SMIM35: variants seen among roughly 807,000 people sequenced by gnomAD.
SMIM35 encodes TMPRSS4 antisense RNA 1 (non-protein coding).
chr11:118,039,821 C>T (rs1397146999), intron 1 of SMIM35, among the ~76,000 whole-genome samples: 12 of 151,376 alleles, frequency 7.9e-5, no homozygotes, highest in African/African-American at 2.7e-4. Context: ...GAGGCCGAGG[C>T]GGGACTCGAG....
intron 1 of SMIM35, among the ~76,000 whole-genome samples, chr11:118,048,576 A>T (rs1317156337): frequency 6.9e-6 from 1 of 145,528 alleles, no homozygotes; most frequent in East Asian, 1.9e-4. Context: ...GAAGGAAGGA[A>T]GGAAGGAAGG....
chr11:118,076,771 C>G (rs1944703352), intron 1 of SMIM35, among the ~76,000 whole-genome samples: 1 of 152,176 alleles, frequency 6.6e-6, no homozygotes, highest in Non-Finnish European at 1.5e-5. Flanking sequence ...ACTCCAACTT[C>G]CCACAACCCC....
intron 1 of SMIM35, among the ~76,000 whole-genome samples, chr11:118,082,071 T>C (rs1031528388): frequency 1.3e-5 from 2 of 152,192 alleles, no homozygotes; most frequent in Non-Finnish European, 2.9e-5. Context: ...GCCAGGCTGC[T>C]GGGAGAACCT....
At chr11:118,050,095 G>A (rs986856133) in intron 1 of SMIM35, among the ~76,000 whole-genome samples, 12 of 152,182 alleles carry the variant, frequency 7.9e-5, no homozygotes, top group African/African-American at 2.7e-4. Context: ...GTGTGCTGGA[G>A]CCCCAGCCCT....
chr11:118,025,987 G>A, intron 1 of SMIM35: 1 of 303,918 alleles, frequency 3.3e-6, no homozygotes, highest in Non-Finnish European at 6.2e-6. Context: ...AAAGTTAGGG[G>A]TCCAGTTTCA....
intron 2 of SMIM35, among the ~76,000 whole-genome samples, 157 bp from the exon 3 acceptor site, chr11:118,014,898 G>A (rs924608300): frequency 2.0e-5 from 3 of 152,016 alleles, no homozygotes; most frequent in Admixed American, 6.5e-5. Flanking sequence ...CCTCCTTCAG[G>A]GCCCCCCATT....
intron 1 of SMIM35, among the ~76,000 whole-genome samples, chr11:118,036,367 ATTAAG>A (rs1171868380): frequency 6.6e-6 from 1 of 152,216 alleles, no homozygotes; most frequent in Non-Finnish European, 1.5e-5. Flanking sequence ...TAAACTTTTA[ATTAAG>A]TTTTGTTTAT....
chr11:118,020,334 A>C (rs2058217788), intron 1 of SMIM35, among the ~76,000 whole-genome samples: 1 of 152,196 alleles, frequency 6.6e-6, no homozygotes, highest in Admixed American at 6.5e-5. Flanking sequence ...GCTCCACTCT[A>C]TCCTCCCTCA....
At chr11:118,076,318 G>C (rs563575060) in intron 1 of SMIM35, among the ~76,000 whole-genome samples, 1 of 151,936 alleles carries the variant, frequency 6.6e-6, no homozygotes, top group African/African-American at 2.4e-5. Flanking sequence ...GTGGTGGCAG[G>C]TGGCTGTAGT....
At chr11:118,052,882 G>A (rs897599783) in intron 1 of SMIM35, among the ~76,000 whole-genome samples, 3 of 152,060 alleles carry the variant, frequency 2.0e-5, no homozygotes, top group African/African-American at 2.4e-5. Flanking sequence ...CTGCCACCAC[G>A]CTCAGCATGT....
chr11:118,077,301 G>T (rs1486743943), intron 1 of SMIM35: 2 of 1,602,062 alleles, frequency 1.2e-6, no homozygotes, highest in Admixed American at 1.7e-5. Context: ...CACAGAGCCA[G>T]CATGGTGAGT....
At chr11:118,076,386 G>T (rs1317588154) in intron 1 of SMIM35, among the ~76,000 whole-genome samples, 15 of 152,200 alleles carry the variant, frequency 9.9e-5, no homozygotes, top group Non-Finnish European at 2.1e-4. Context: ...GGCGGAGGTT[G>T]CAGTGAGCTG....
intron 1 of SMIM35, chr11:118,028,989 T>C (rs1028871099): frequency 2.7e-6 from 1 of 372,566 alleles, no homozygotes; most frequent in African/African-American, 2.1e-5. Flanking sequence ...AAAATAGTCA[T>C]TTCACTTTTT....
intron 1 of SMIM35, among the ~76,000 whole-genome samples, chr11:118,023,269 G>T (rs2058246661): frequency 6.6e-6 from 1 of 151,964 alleles, no homozygotes; most frequent in Non-Finnish European, 1.5e-5. Flanking sequence ...ACCACCAAAA[G>T]CCTCAATTTC....
intron 1 of SMIM35, chr11:118,028,743 G>A: frequency 2.4e-6 from 1 of 424,540 alleles, no homozygotes; most frequent in East Asian, 7.2e-5. Context: ...TAGGAGGTTG[G>A]GGAAGAAGAT....
intron 1 of SMIM35, among the ~76,000 whole-genome samples, chr11:118,079,798 G>A (rs1430288935): frequency 6.6e-6 from 1 of 152,232 alleles, no homozygotes; most frequent in Non-Finnish European, 1.5e-5. Context: ...GGTGCTGGGA[G>A]CACTGCAGGG....
intron 1 of SMIM35, among the ~76,000 whole-genome samples, chr11:118,047,977 G>A (rs1944129119): frequency 1.3e-5 from 2 of 152,192 alleles, no homozygotes; most frequent in Admixed American, 1.3e-4. Flanking sequence ...CTGGGGCTCA[G>A]ATGGAACCTC....
At position 118,006,275 on chromosome 11, in the gene SMIM35, G is replaced by A. The variant is rs1400956190; in HGVS notation, c.*135C>T. 6.6e-6 allele frequency: 1 copy of A among 152,274 alleles called. No individual in the cohort carries two copies. The highest frequency in any genetic ancestry group is 2.4e-5 in the African/African-American group (1 of 41,458). The allele number at this position is 152,274 out of a possible 1,614,324, so 9.4% of individuals were successfully genotyped here. A position where few individuals can be genotyped will look rare whatever the true frequency, so the allele number is the denominator to read the frequency against. ...GGTCTGGAAATGCTCCAAAGGCAAA[G>A]AGGAAGAGGCAACAGCCCCAGGGAG... On this transcript the variant is annotated 3_prime_UTR_variant, in exon 5 of 5. Coordinates refer to ENST00000689828, the MANE Select transcript of SMIM35 (RefSeq NM_001394165.1).
chr11:118,058,233 T>C (rs545330169), intron 1 of SMIM35, among the ~76,000 whole-genome samples: 3 of 152,230 alleles, frequency 2.0e-5, no homozygotes, highest in East Asian at 3.9e-4. Context: ...GGAGCATGCA[T>C]TGGCTGCCAC....
Sources: gnomAD v4.1 joint callset for allele counts (sites outside exome capture counted in the v4.1 genomes callset) on GRCh38, gnomAD v4.1.1 for gene constraint, MANE v1.5 for transcripts, NCBI Gene and HGNC (gene_info 2026-07-23, HGNC 2026-07-21) for gene names.